ZNF638: variants seen among roughly 807,000 people sequenced by gnomAD.
The protein encoded by ZNF638 is zinc finger protein 638, also known as CTCL tumor antigen se33-1.
A neutral mutation model predicts 195.6 loss-of-function variants in ZNF638; 46 were observed. The observed-to-expected ratio is 0.24, with a 90% CI of 0.19 to 0.30. The LOEUF is 0.30. Ranked by LOEUF, ZNF638 falls within the 10% of genes least tolerant of loss-of-function variation. The pLI is 1.00. For missense variants in ZNF638, 2,440 were observed against 2,325.3 expected, an observed-to-expected ratio of 1.05 and a Z score of -1.01; for synonymous variants, 845 against 772.0, an observed-to-expected ratio of 1.09 and a Z score of -1.57.
chr2:71,348,965 C>A lies in ZNF638; in HGVS notation c.11C>A (p.Pro4His). The A allele has an allele frequency of 6.2e-7, 1 of 1,614,016 alleles. No homozygotes were observed. Among genetic ancestry groups the A allele is most frequent in the Non-Finnish European group, 8.5e-7 (1 of 1,180,014 alleles). MSR[P>H]RFNPRGDFPL... ...TTCTTGAAAATAGCCATGTCGAGAC[C>A]CAGGTTTAATCCTCGAGGAGACTTT... Residue 4 changes from proline to histidine, a missense_variant, in exon 2 of 28, where the codon CCC (proline) becomes CAC (histidine). By Grantham distance (77) the Pro-to-His change is moderately conservative. This residue lies in a region of ZNF638 where 191 missense variants were observed against 173.8 expected (regional missense o/e 1.10). Coordinates refer to ENST00000264447, the MANE Select transcript of ZNF638 (RefSeq NM_014497.5).
intron 2 of ZNF638, among the ~76,000 whole-genome samples, chr2:71,353,006 G>C (rs1035134700): frequency 2.6e-5 from 4 of 152,166 alleles, no homozygotes; most frequent in Admixed American, 6.5e-5. Flanking sequence ...GTGGCCAAAT[G>C]ATAGGGATTT....
Position 71,427,169 on chromosome 2 carries a change from A to G in ZNF638, c.5300A>G (p.Asn1767Ser), listed in dbSNP as rs768648191. 19 of 1,611,396 alleles carry G rather than the reference A, an allele frequency of 1.2e-5. No individual in the cohort carries two copies. Among genetic ancestry groups the G allele is most frequent in the South Asian group, 2.2e-5 (2 of 90,496 alleles). ...EDEDSLADFN[N>S]LKEELNFVTV... Reference sequence around the variant, plus strand: ...GAAGACTCTCTGGCGGATTTTAACAACCTTAAAGAAGAGCTTAATTTTGTT... The same window carrying G: ...GAAGACTCTCTGGCGGATTTTAACAGCCTTAAAGAAGAGCTTAATTTTGTT... Residue 1767 changes from asparagine (N) to serine (S), a missense_variant, in exon 24 of 28, where the codon AAC becomes AGC. By Grantham distance (46) the Asn-to-Ser change is conservative (BLOSUM62 1). Transcript: ENST00000264447.
chr2:71,388,429 CG>C (rs2104385656), intron 10 of ZNF638: 2 of 681,224 alleles, frequency 2.9e-6, no homozygotes, highest in East Asian at 2.8e-5. Flanking sequence ...TCCCTACAGG[CG>C]GGGGCAACAA....
chr2:71,402,190 C>G, intron 16 of ZNF638, 103 bp downstream of exon 16: 2 of 1,228,524 alleles, frequency 1.6e-6, no homozygotes, highest in South Asian at 1.7e-5. Context: ...AGCAGTATCT[C>G]AAAGTAAACT....
Position 71,426,700 on chromosome 2 carries a change from G to T in ZNF638, c.4831G>T (p.Ala1611Ser). The change falls in exon 24 of 28, where the codon GCT (alanine) becomes TCT (serine). Residue 1611 changes from alanine (A) to serine (S), a missense_variant. This residue lies in a region of ZNF638 where 1,883 missense variants were observed against 1,739.1 expected (regional missense o/e 1.08). Coordinates refer to ENST00000264447, the MANE Select transcript of ZNF638 (RefSeq NM_014497.5). ...TGAGATTGGGGAAGAGGAAGATGCAGCTGCACATCTAGCACAAGCTCTAGT... is the reference window on the plus strand; with the variant it reads ...TGAGATTGGGGAAGAGGAAGATGCATCTGCACATCTAGCACAAGCTCTAGT... ...LDEIGEEEDA[A>S]AHLAQALVTV... 2 of 1,614,198 alleles carry T rather than the reference G, an allele frequency of 1.2e-6. No individual in the cohort carries two copies. Among genetic ancestry groups the T allele is most frequent in the South Asian group, 2.2e-5 (2 of 91,080 alleles).
At chr2:71,369,362 G>C (rs2079266729) in intron 7 of ZNF638, among the ~76,000 whole-genome samples, 1 of 151,952 alleles carries the variant, frequency 6.6e-6, no homozygotes, top group East Asian at 1.9e-4. Flanking sequence ...GTTAAGGCTG[G>C]GTGTGGTGGC....
intron 10 of ZNF638, among the ~76,000 whole-genome samples, chr2:71,381,940 T>G (rs1337191370): frequency 2.6e-5 from 4 of 152,100 alleles, no homozygotes; most frequent in Non-Finnish European, 5.9e-5. Flanking sequence ...ATTGGAGAGA[T>G]GTAAAAATCC....
At position 71,348,923 on chromosome 2, in the gene ZNF638, C is replaced by T; in HGVS notation, c.-32C>T. The T allele has an allele frequency of 6.2e-7, 1 of 1,614,120 alleles. No individual in the cohort carries two copies. The highest frequency in any genetic ancestry group is 8.5e-7 in the Non-Finnish European group (1 of 1,180,032). ...TCACATGGTTCAACACCACCTTATACTTTATTAAATCAGGCTTTCTTGAAA... is the reference window on the plus strand; with the variant it reads ...TCACATGGTTCAACACCACCTTATATTTTATTAAATCAGGCTTTCTTGAAA... On this transcript the variant is annotated 5_prime_UTR_variant, in exon 2 of 28. Transcript: ENST00000264447.
At chr2:71,398,830 C>T (rs112715077) in intron 12 of ZNF638, 58 bp downstream of exon 12, 63 of 1,427,950 alleles carry the variant, frequency 4.4e-5, no homozygotes, top group Middle Eastern at 2.0e-4. Context: ...GTTTTAAATT[C>T]GTATAATAAT....
intron 18 of ZNF638, 38 bp downstream of exon 18, chr2:71,405,680 A>G (rs372187059): frequency 2.3e-5 from 31 of 1,354,732 alleles, no homozygotes; most frequent in Non-Finnish European, 2.8e-5. Context: ...ATACTTATTT[A>G]ATTGATGGAA....
At position 71,426,897 on chromosome 2, in the gene ZNF638, A is replaced by G; in HGVS notation, c.5028A>G (p.Lys1676=). 7 of 1,614,192 alleles carry G rather than the reference A, an allele frequency of 4.3e-6. No individual in the cohort carries two copies. The highest frequency in any genetic ancestry group is 5.9e-6 in the Non-Finnish European group (7 of 1,180,016). The part of the protein sequence containing the change: ...LSVAEEQDLL[K]QERLVTVDEI... ...TGGCTGAAGAACAAGATCTCCTCAA[A>G]CAGGAACGCTTGGTAACTGTGGATG... is the stretch of plus-strand genomic sequence containing the variant. The change falls in exon 24 of 28, where the codon AAA becomes AAG. Residue 1676 remains lysine, a synonymous_variant. Coordinates refer to ENST00000264447, the MANE Select transcript of ZNF638 (RefSeq NM_014497.5).
In ZNF638 at chr2:71,398,727, G is replaced by A. The variant is rs762602294; in HGVS notation, c.2455G>A (p.Val819Met). 1 of 1,613,408 alleles carries A rather than the reference G, an allele frequency of 6.2e-7. No homozygotes were observed. The highest frequency in any genetic ancestry group is 2.2e-5 in the East Asian group (1 of 44,782). ...GAAATCAGCAAGTTCTGTAAAATCT[G>A]TGGTAACGGTAGCTGTTAAAGGTAA... is the stretch of plus-strand genomic sequence containing the variant. ...TGKSASSVKS[V>M]VTVAVKGNKA... Residue 819 changes from valine (V) to methionine (M), a missense_variant, in exon 12 of 28, where the codon GTG becomes ATG. Physicochemically the swap from Val to Met is conservative, Grantham distance 21 (BLOSUM62 1). This residue lies in a region of ZNF638 where 1,883 missense variants were observed against 1,739.1 expected (regional missense o/e 1.08). Transcript: ENST00000264447.
At chr2:71,339,581 G>T (rs1469039759) in intron 1 of ZNF638, among the ~76,000 whole-genome samples, 2 of 152,208 alleles carry the variant, frequency 1.3e-5, no homozygotes, top group African/African-American at 2.4e-5. Flanking sequence ...TTAGGCTTCA[G>T]AAACAATTGG....
intron 6 of ZNF638, among the ~76,000 whole-genome samples, chr2:71,366,615 GCTCT>G (rs1351623248): frequency 6.6e-6 from 1 of 152,136 alleles, no homozygotes; most frequent in Non-Finnish European, 1.5e-5. Flanking sequence ...GATGAGTTTT[GCTCT>G]CTAATTGGGA....
chr2:71,424,998 A>G (rs532009149), intron 23 of ZNF638, among the ~76,000 whole-genome samples: 7 of 152,222 alleles, frequency 4.6e-5, no homozygotes, highest in African/African-American at 1.2e-4. Context: ...CTCCAATCTC[A>G]TATTGACAGG....
At chr2:71,397,900 T>C (rs2079927661) in intron 11 of ZNF638, among the ~76,000 whole-genome samples, 1 of 152,196 alleles carries the variant, frequency 6.6e-6, no homozygotes, top group Admixed American at 6.5e-5. Context: ...GCTAGGAAAC[T>C]GTAGGAATGA....
chr2:71,368,565 G>A (rs1452565384), intron 7 of ZNF638, 37 bp downstream of exon 7: 1 of 1,604,534 alleles, frequency 6.2e-7, no homozygotes, highest in Admixed American at 1.7e-5. Context: ...TTCATACAAA[G>A]TGATTGCTTT....
intron 10 of ZNF638, chr2:71,388,561 C>G: frequency 1.3e-6 from 1 of 745,534 alleles, no homozygotes; most frequent in Non-Finnish European, 2.5e-6. Context: ...CGAGCAGTTT[C>G]CTAGCTGCGC....
At chr2:71,425,294 A>G (rs111409753) in intron 23 of ZNF638, among the ~76,000 whole-genome samples, 74 of 152,242 alleles carry the variant, frequency 4.9e-4, no homozygotes, top group African/African-American at 1.8e-3. Flanking sequence ...GCAAGGAGAA[A>G]TGTTACTAGT....
Sources: gnomAD v4.1 joint callset for allele counts (sites outside exome capture counted in the v4.1 genomes callset) on GRCh38, gnomAD v4.1.1 for gene constraint, gnomAD v4.1.1 regional missense constraint, MANE v1.5 for transcripts, NCBI Gene and HGNC (gene_info 2026-07-23, HGNC 2026-07-21) for gene names.